Variants in CPLANE1 observed in about 807,000 individuals in gnomAD.
CPLANE1 encodes the protein ciliogenesis and planar polarity effector complex subunit 1.
Under a neutral mutation model 362.5 loss-of-function variants are expected in CPLANE1, and 263 were observed. The observed-to-expected ratio is 0.73, with a 90% CI of 0.66 to 0.80. CPLANE1 has a LOEUF of 0.80. CPLANE1 is among the 30% of genes least tolerant of loss of function. CPLANE1 has a pLI of 0.00. For synonymous variants in CPLANE1, 1,212 were observed against 1,302.6 expected (o/e 0.93, Z 1.50); for missense variants, 3,461 against 3,793.4 (o/e 0.91, Z 2.30).
In CPLANE1 at chr5:37,121,666, G is replaced by T; in HGVS notation, c.9136C>A (p.Pro3046Thr). 2 of 1,614,112 alleles carry T rather than the reference G, an allele frequency of 1.2e-6. No homozygotes were observed. The highest frequency in any genetic ancestry group is 1.7e-6 in the Non-Finnish European group (2 of 1,179,994). The change falls in exon 49 of 53, where the codon CCC (proline) becomes ACC (threonine). Residue 3046 changes from proline (P) to threonine (T), a missense_variant. Pro to Thr is a conservative substitution (Grantham distance 38, BLOSUM62 -1). This residue lies in a region of CPLANE1 where 3,380 missense variants were observed against 3,666.1 expected (regional missense o/e 0.92). Coordinates refer to ENST00000651892, the MANE Select transcript of CPLANE1 (RefSeq NM_001384732.1). Reference protein sequence around the residue: ...TLPQKPLPNKPSPTQSSSCQH... With the variant: ...TLPQKPLPNKTSPTQSSSCQH... The stretch of plus-strand genomic sequence containing the variant: ...CAACTGGAAGACTGAGTAGGGCTGG[G>T]TTTGTTAGGCAATGGTTTCTGTGGT...
At chr5:37,160,262 A>G (rs1439112131) in intron 38 of CPLANE1, among the ~76,000 whole-genome samples, 2 of 152,178 alleles carry the variant, frequency 1.3e-5, no homozygotes, top group East Asian at 3.9e-4. Context: ...AACATTTAAG[A>G]ATGTTTCTCA....
At chr5:37,177,813 A>C in intron 29 of CPLANE1, 113 bp from the exon 30 acceptor site, 1 of 766,930 alleles carries the variant, frequency 1.3e-6, no homozygotes, top group Non-Finnish European at 2.2e-6. Flanking sequence ...ACAGTCTACA[A>C]GCAAGTGAGA....
At chr5:37,231,893 TGACA>T (rs1797805472) in intron 8 of CPLANE1, among the ~76,000 whole-genome samples, 1 of 151,994 alleles carries the variant, frequency 6.6e-6, no homozygotes, top group Non-Finnish European at 1.5e-5. Flanking sequence ...CCTCAGAAAA[TGACA>T]GACACTAAAT....
intron 49 of CPLANE1, 44 bp downstream of exon 49, chr5:37,121,573 G>C: frequency 6.4e-7 from 1 of 1,572,766 alleles, no homozygotes; most frequent in South Asian, 1.1e-5. Flanking sequence ...TTCTTATCAG[G>C]CCTGACGTTA....
chr5:37,169,974 C>T, intron 33 of CPLANE1, 67 bp downstream of exon 33: 1 of 1,506,486 alleles, frequency 6.6e-7, no homozygotes, highest in Non-Finnish European at 9.1e-7. Context: ...TGTGGCCTGC[C>T]AAAGTGCTGG....
intron 8 of CPLANE1, among the ~76,000 whole-genome samples, chr5:37,238,438 C>T (rs1043131505): frequency 6.6e-6 from 1 of 151,272 alleles, no homozygotes; most frequent in Non-Finnish European, 1.5e-5. Context: ...CTACCTCAGC[C>T]TCCCAAAGTG....
At chr5:37,239,618 A>T (rs2150700539) in intron 7 of CPLANE1, 95 bp downstream of exon 7, 20 of 837,820 alleles carry the variant, frequency 2.4e-5, no homozygotes, top group Non-Finnish European at 3.1e-5. Context: ...GAAAAAAAAA[A>T]TGGATATAAA....
At chr5:37,085,247 C>T in the CPLANE1 span, 5 of 848,550 alleles carry the variant, frequency 5.9e-6, no homozygotes, top group African/African-American at 1.7e-5. Context: ...TAAAGATTTG[C>T]ATGCAGGGGT....
chr5:37,116,595 G>A (rs1275833428), intron 50 of CPLANE1, among the ~76,000 whole-genome samples: 1 of 151,038 alleles, frequency 6.6e-6, no homozygotes, highest in East Asian at 2.0e-4. Context: ...CTCCCTTCTG[G>A]GCGACAGAAT....
chr5:37,114,126 T>A lies in CPLANE1; in HGVS notation c.9400+834A>T, dbSNP rs181583443. 6.6e-5 allele frequency among the ~76,000 whole-genome samples: 10 copies of A among 152,278 alleles called. No individual in the cohort carries two copies. In the South Asian group the frequency reaches 1.9e-3, roughly 28 times the overall value. ...GCGCCCAGCCAAATTAGTGGGTTTTTAAAAAATCATTATCCCTACCAAATT... is the reference window on the plus strand; with the variant it reads ...GCGCCCAGCCAAATTAGTGGGTTTTAAAAAAATCATTATCCCTACCAAATT... On this transcript the variant is annotated intron_variant, in intron 51 of 52. Coordinates refer to ENST00000651892, the MANE Select transcript of CPLANE1 (RefSeq NM_001384732.1).
chr5:37,227,126 A>G (rs989843077), intron 11 of CPLANE1, 53 bp from the exon 12 acceptor site: 1 of 1,505,122 alleles, frequency 6.6e-7, no homozygotes, highest in South Asian at 1.3e-5. Context: ...TACCTTATCA[A>G]TAGCATCACT....
chr5:37,246,800 C>T (rs1222942306), intron 2 of CPLANE1, among the ~76,000 whole-genome samples: 2 of 152,090 alleles, frequency 1.3e-5, no homozygotes, highest in Non-Finnish European at 2.9e-5. Context: ...CCCAGCTATT[C>T]AGGAGGCTGA....
At position 37,183,184 on chromosome 5, in the gene CPLANE1, T is replaced by TTCGAAGGATA; in HGVS notation, c.4987_4996dup (p.Asn1666IlefsTer5). 1 of 1,611,582 alleles carries TTCGAAGGATA rather than the reference T, an allele frequency of 6.2e-7. No homozygotes were observed. The highest frequency in any genetic ancestry group is 1.3e-5 in the African/African-American group (1 of 74,862). On this transcript the variant is annotated frameshift_variant, in exon 26 of 53. Transcript: ENST00000651892. Reference sequence around the variant, plus strand: ...CATTCCTTCATTCTTATTGACTTCATTCGAAGGATATTGTAAAAAAGGTTT... The same window carrying TTCGAAGGATA: ...CATTCCTTCATTCTTATTGACTTCATTCGAAGGATATCGAAGGATATTGTAAAAAAGGTTT...
chr5:37,178,395 C>A (rs1205208050), intron 29 of CPLANE1, among the ~76,000 whole-genome samples: 1 of 151,422 alleles, frequency 6.6e-6, no homozygotes, highest in Non-Finnish European at 1.5e-5. Context: ...GCTAGGAGTT[C>A]AAGACCAGCC....
chr5:37,231,191 A>G, intron 8 of CPLANE1, 142 bp from the exon 9 acceptor site: 1 of 458,776 alleles, frequency 2.2e-6, no homozygotes, highest in Non-Finnish European at 3.6e-6. Flanking sequence ...ATTGCCATAC[A>G]CATTTCATGA....
Position 37,227,733 on chromosome 5 carries a change from A to G in CPLANE1, c.1206T>C (p.Ser402=), listed in dbSNP as rs1052264172. 2 of 1,551,518 alleles carry G rather than the reference A, an allele frequency of 1.3e-6. No individual in the cohort carries two copies. Among genetic ancestry groups the G allele is most frequent in the Non-Finnish European group, 1.7e-6 (2 of 1,146,878 alleles). ...AGGGTAACCGTGAGTGTGCTTTTAT[A>G]GAAAATCTCTGTCTCATAGGGTCAC... is the stretch of plus-strand genomic sequence containing the variant. ...SDSDPMRQRF[S]IKAHSRLPYL... is the part of the protein sequence containing the mutation. The change falls in exon 10 of 53, where the codon TCT becomes TCC. Residue 402 remains serine, a synonymous_variant. Coordinates refer to ENST00000651892, the MANE Select transcript of CPLANE1 (RefSeq NM_001384732.1).
At chr5:37,167,240 A>G in intron 34 of CPLANE1, 27 bp from the exon 35 acceptor site, 1 of 1,570,092 alleles carries the variant, frequency 6.4e-7, no homozygotes, top group Non-Finnish European at 8.6e-7. Context: ...AAGCATAAGA[A>G]TGACAAATTG....
intron 45 of CPLANE1, among the ~76,000 whole-genome samples, chr5:37,139,119 G>A (rs1291640144): frequency 6.6e-6 from 1 of 152,070 alleles, no homozygotes; most frequent in Non-Finnish European, 1.5e-5. Context: ...ATAAGAAAAT[G>A]TAGTAAATAT....
rs781459642 is a variant in CPLANE1, at chr5:37,186,292, C to T, written c.4183G>A (p.Val1395Met). Reference sequence around the variant, plus strand: ...GAGAAACAACAAATAATACCTTTCACAACACAGTGTCTGAGTCTCTGGTGA... The same window carrying T: ...GAGAAACAACAAATAATACCTTTCATAACACAGTGTCTGAGTCTCTGGTGA... ...SLHQRLRHCV[V>M]KGPQTEEMMS... Residue 1395 changes from valine to methionine, a missense_variant, in exon 24 of 53, where the codon GTG becomes ATG. Transcript: ENST00000651892. The T allele has an allele frequency of 6.8e-7, 1 of 1,470,910 alleles. No individual in the cohort carries two copies. Among genetic ancestry groups the T allele is most frequent in the South Asian group, 1.2e-5 (1 of 86,540 alleles). 91.1% of individuals were successfully genotyped at this position (1,470,910 alleles called of 1,614,324 possible).
Sources: allele counts gnomAD v4.1 joint callset (sites outside exome capture counted in the v4.1 genomes callset), GRCh38; gene constraint gnomAD v4.1.1; regional missense constraint gnomAD v4.1.1; transcripts MANE v1.5; gene names NCBI Gene and HGNC (gene_info 2026-07-23, HGNC 2026-07-21).